SNTG1: variants seen among roughly 807,000 people sequenced by gnomAD.
SNTG1 encodes gamma-1-syntrophin.
In SNTG1, 39 loss-of-function variants were observed where a neutral mutation model predicts 74.7. That is an observed-to-expected ratio of 0.52 (90% CI 0.40 to 0.68). The LOEUF is 0.68. Ranked by LOEUF, SNTG1 falls within the 30% of genes least tolerant of loss-of-function variation. SNTG1 has a pLI of 0.00. For synonymous variants in SNTG1, 254 were observed against 217.1 expected (o/e 1.17, Z -1.49); for missense variants, 685 against 609.5 (o/e 1.12, Z -1.30).
intron 2 of SNTG1, among the ~76,000 whole-genome samples, chr8:50,284,940 T>C (rs1271539298): frequency 6.6e-6 from 1 of 152,176 alleles, no homozygotes; most frequent in African/African-American, 2.4e-5. Flanking sequence ...TTTAAAAGTA[T>C]TTGTTTGCTT....
intron 2 of SNTG1, among the ~76,000 whole-genome samples, chr8:50,258,640 C>T (rs1038101960): frequency 7.2e-5 from 11 of 151,896 alleles, no homozygotes; most frequent in African/African-American, 2.2e-4. Context: ...ATAATTAAAA[C>T]GAACTATTCA....
chr8:49,996,853 GT>G (rs1814270959), intron 1 of SNTG1, among the ~76,000 whole-genome samples: 1 of 151,958 alleles, frequency 6.6e-6, no homozygotes, highest in Admixed American at 6.6e-5. Context: ...TAATTACATA[GT>G]TTTTAGATTG....
At chr8:49,921,385 A>C (rs1044250233) in intron 1 of SNTG1, among the ~76,000 whole-genome samples, 1 of 152,040 alleles carries the variant, frequency 6.6e-6, no homozygotes, top group Non-Finnish European at 1.5e-5. Context: ...AGCAGATCAC[A>C]GGGCATCCTG....
chr8:50,419,800 C>A (rs1282843320), intron 4 of SNTG1, among the ~76,000 whole-genome samples: 1 of 151,914 alleles, frequency 6.6e-6, no homozygotes. Context: ...TAGTTACAAA[C>A]ACCATTGAAA....
In SNTG1 at chr8:50,794,128, A is replaced by AG. The variant is rs1380320311; in HGVS notation, c.*1299_*1300insG. 1.3e-5 allele frequency: 2 copies of AG among 151,810 alleles called. No individual in the cohort carries two copies. Among genetic ancestry groups the AG allele is most frequent in the Admixed American group, 6.6e-5 (1 of 15,194 alleles). The allele number at this position is 151,810 out of a possible 1,614,324, so 9.4% of individuals were successfully genotyped here. On this transcript the variant is annotated 3_prime_UTR_variant, in exon 19 of 19. Coordinates refer to ENST00000642720, the MANE Select transcript of SNTG1 (RefSeq NM_018967.5). ...AAGTCAGCTGTGTATGTAAAAAAAA[A>AG]AAAAAATTTTTATTGATACACATGC...
intron 9 of SNTG1, among the ~76,000 whole-genome samples, chr8:50,525,391 G>A (rs1037591596): frequency 6.6e-6 from 1 of 152,096 alleles, no homozygotes; most frequent in African/African-American, 2.4e-5. Flanking sequence ...AGATCTTCAA[G>A]TTTCTTCTAT....
chr8:50,296,662 T>G (rs1037248124), intron 2 of SNTG1, among the ~76,000 whole-genome samples: 3 of 152,076 alleles, frequency 2.0e-5, no homozygotes, highest in South Asian at 4.2e-4. Context: ...ACCTAATGTA[T>G]GCAGGGCTTA....
chr8:50,708,160 C>T (rs2095450207), intron 16 of SNTG1: 1 of 188,232 alleles, frequency 5.3e-6, no homozygotes, highest in South Asian at 1.9e-4. Flanking sequence ...GACACCGCAC[C>T]ACTACGCTCT....
intron 16 of SNTG1, among the ~76,000 whole-genome samples, chr8:50,707,565 G>A (rs892931304): frequency 5.9e-5 from 9 of 152,058 alleles, no homozygotes; most frequent in Non-Finnish European, 1.0e-4. Flanking sequence ...AAGGCAACTC[G>A]ATGTATTTAG....
intron 13 of SNTG1, among the ~76,000 whole-genome samples, chr8:50,608,324 A>C (rs2094827470): frequency 6.6e-6 from 1 of 151,596 alleles, no homozygotes; most frequent in African/African-American, 2.4e-5. Flanking sequence ...CTCATTTAAA[A>C]ATTTTTTTTC....
At chr8:50,006,127 T>A (rs1815209295) in intron 1 of SNTG1, among the ~76,000 whole-genome samples, 1 of 151,882 alleles carries the variant, frequency 6.6e-6, no homozygotes, top group African/African-American at 2.4e-5. Flanking sequence ...CATGCCCAGC[T>A]AATTTTTGTA....
intron 13 of SNTG1, among the ~76,000 whole-genome samples, chr8:50,641,593 T>G (rs556500807): frequency 6.6e-6 from 1 of 152,326 alleles, no homozygotes; most frequent in African/African-American, 2.4e-5. Context: ...CCCTTCTCTC[T>G]TGAATCAAAT....
At chr8:50,178,417 A>G (rs1479783179) in intron 2 of SNTG1, among the ~76,000 whole-genome samples, 1 of 150,438 alleles carries the variant, frequency 6.6e-6, no homozygotes, top group Admixed American at 6.6e-5. Flanking sequence ...GCGCACACAC[A>G]CACACACACA....
At chr8:50,459,359 G>T (rs903280522) in intron 8 of SNTG1, among the ~76,000 whole-genome samples, 4 of 151,846 alleles carry the variant, frequency 2.6e-5, no homozygotes, top group African/African-American at 9.7e-5. Flanking sequence ...GTATTAGAAT[G>T]GTTTTAGTTT....
chr8:50,350,023 G>A (rs2091602631), intron 2 of SNTG1, among the ~76,000 whole-genome samples: 2 of 152,322 alleles, frequency 1.3e-5, no homozygotes. Flanking sequence ...CGGCCAGCCA[G>A]GCCTGCCGGC....
At chr8:50,564,639 T>C (rs2094506071) in intron 12 of SNTG1, among the ~76,000 whole-genome samples, 1 of 152,150 alleles carries the variant, frequency 6.6e-6, no homozygotes, top group Non-Finnish European at 1.5e-5. Context: ...ATTTTAGTGT[T>C]GTTGCCTTCT....
intron 1 of SNTG1, among the ~76,000 whole-genome samples, chr8:50,046,884 C>T (rs1199295182): frequency 6.6e-6 from 1 of 152,114 alleles, no homozygotes; most frequent in Non-Finnish European, 1.5e-5. Context: ...AGCCTTTATA[C>T]AAATAAGTTT....
At chr8:50,553,320 G>A (rs2094438030) in intron 12 of SNTG1, 141 bp downstream of exon 12, 5 of 1,135,340 alleles carry the variant, frequency 4.4e-6, no homozygotes, top group African/African-American at 3.1e-5. Flanking sequence ...AATACTTATT[G>A]TAAGAAAACT....
intron 8 of SNTG1, among the ~76,000 whole-genome samples, chr8:50,454,156 G>A (rs2093481276): frequency 6.6e-6 from 1 of 152,068 alleles, no homozygotes; most frequent in South Asian, 2.1e-4. Flanking sequence ...TCTATATCTT[G>A]TCATCTGTAT....
Sources: gnomAD v4.1 joint callset for allele counts (sites outside exome capture counted in the v4.1 genomes callset) on GRCh38, gnomAD v4.1.1 for gene constraint, MANE v1.5 for transcripts, NCBI Gene and HGNC (gene_info 2026-07-23, HGNC 2026-07-21) for gene names.